PHF3: variants seen among roughly 807,000 people sequenced by gnomAD.
PHF3 encodes the protein PHD finger protein 3.
PHF3 carries 41 observed loss-of-function variants against 178.4 expected under a neutral mutation model. The observed-to-expected ratio is 0.23, with a 90% CI of 0.18 to 0.30. The LOEUF (loss-of-function observed/expected upper bound fraction) is 0.30, where lower values mean the gene tolerates loss of function less well. PHF3 is among the 10% of genes least tolerant of loss of function. The pLI, the probability that PHF3 is intolerant of heterozygous loss-of-function variation, is 1.00. For missense variants in PHF3, 2,346 were observed against 2,398.1 expected (o/e 0.98, Z 0.45); for synonymous variants, 842 against 800.5 (o/e 1.05, Z -0.88).
At chr6:63,709,995 G>C (rs1021186618) in intron 14 of PHF3, among the ~76,000 whole-genome samples, 4 of 152,000 alleles carry the variant, frequency 2.6e-5, no homozygotes, top group African/African-American at 9.7e-5. Flanking sequence ...TCCCTCCACG[G>C]GATGTGATAG....
In PHF3 at chr6:63,720,359, G is replaced by C. The variant is rs1768325067; in HGVS notation, c.*6651G>C. 4.5e-6 allele frequency: 2 copies of C among 440,796 alleles called. No homozygotes were observed. The highest frequency in any genetic ancestry group is 8.0e-6 in the Non-Finnish European group (2 of 250,920). The allele number at this position is 440,796 out of a possible 1,614,324, so 27.3% of individuals were successfully genotyped here. A position where few individuals can be genotyped will look rare whatever the true frequency, so the allele number is the denominator to read the frequency against. ...GTGAATAAGCACATTCTGTGAATAA[G>C]CACTGAACTAATGGAGTTAAAACAT... On this transcript the variant is annotated 3_prime_UTR_variant, in exon 16 of 16. Transcript: ENST00000262043.
rs545944565 is a variant in PHF3, at chr6:63,643,812, T to TA, written c.-25-2707dup. ...CATTTTATTTACAATATGCTTTATTTAAAAAAAATCGATCTTCAAGAAATA... is the reference window on the plus strand; with the variant it reads ...CATTTTATTTACAATATGCTTTATTTAAAAAAAAATCGATCTTCAAGAAATA... On this transcript the variant is annotated intron_variant, in intron 1 of 15. Transcript: ENST00000262043. Among the ~76,000 whole-genome samples the TA allele has an allele frequency of 1.8e-4, 28 of 152,162 alleles. 1 individual carries two copies. In the East Asian group the frequency reaches 5.2e-3, roughly 28 times the overall value.
rs1768045232 is a variant in PHF3 at position 63,713,234 on chromosome 6, G to T, written c.5646G>T (p.Gln1882His). Residue 1882 changes from glutamine (Q) to histidine (H), a missense_variant, in exon 16 of 16, where the codon CAG (glutamine) becomes CAT (histidine). By Grantham distance (24) the Gln-to-His change is conservative (BLOSUM62 0). This residue lies in a region of PHF3 where 839 missense variants were observed against 806.9 expected (regional missense o/e 1.04). Transcript: ENST00000262043. ...LSQASRYIGP[Q>H]NFYQVKDIRR... ...AAGCATCAAGGTATATAGGCCCGCA[G>T]AATTTTTACCAGGTTAAAGACATTC... is the stretch of plus-strand genomic sequence containing the variant. The T allele has an allele frequency of 6.2e-7, 1 of 1,614,062 alleles. No individual in the cohort carries two copies. The highest frequency in any genetic ancestry group is 8.5e-7 in the Non-Finnish European group (1 of 1,179,986).
chr6:63,688,068 C>T (rs1271299593), intron 4 of PHF3, among the ~76,000 whole-genome samples: 2 of 150,888 alleles, frequency 1.3e-5, no homozygotes, highest in Non-Finnish European at 3.0e-5. Flanking sequence ...CCTGTAGTCC[C>T]AGCTACTTGG....
At chr6:63,670,950 C>T (rs1237298479) in intron 2 of PHF3, among the ~76,000 whole-genome samples, 5 of 152,118 alleles carry the variant, frequency 3.3e-5, no homozygotes, top group African/African-American at 1.2e-4. Flanking sequence ...TCTCTAAGAA[C>T]TCTTTTGGTG....
At position 63,725,962 on chromosome 6, in the gene PHF3, G is replaced by A. The variant is rs555363688; in HGVS notation, c.*12254G>A. ...GAATTTTGGAGAAATGAATGAAAAT[G>A]GATATCAAGGGTAAAGTAAAACCTA... On this transcript the variant is annotated 3_prime_UTR_variant, in exon 16 of 16. Transcript: ENST00000262043. Among the ~76,000 whole-genome samples, 48 of 152,118 alleles carry A rather than the reference G, an allele frequency of 3.2e-4. No individual in the cohort carries two copies. Among genetic ancestry groups the A allele is most frequent in the African/African-American group, 1.1e-3 (44 of 41,538 alleles).
intron 9 of PHF3, among the ~76,000 whole-genome samples, chr6:63,702,110 A>C (rs1251187099): frequency 6.6e-6 from 1 of 152,182 alleles, no homozygotes; most frequent in Admixed American, 6.5e-5. Context: ...ATTGTGGGGG[A>C]TGTTAGAACA....
rs1372673199 is a variant in PHF3, at chr6:63,636,115, T to C, written c.-61T>C. On this transcript the variant is annotated 5_prime_UTR_variant, in exon 1 of 16. Transcript: ENST00000262043. ...GGCGGCAGCGTCCACCATCTTCCTC[T>C]TGCTGCCAGTGGTAGCGCTCGTCTG... 1 of 389,402 alleles carries C rather than the reference T, an allele frequency of 2.6e-6. No homozygotes were observed. The highest frequency in any genetic ancestry group is 4.5e-6 in the Non-Finnish European group (1 of 220,748). The allele number at this position is 389,402 out of a possible 1,614,324, so 24.1% of individuals were successfully genotyped here. A position where few individuals can be genotyped will look rare whatever the true frequency, so the allele number is the denominator to read the frequency against.
chr6:63,698,367 G>A lies in PHF3; in HGVS notation c.2825G>A (p.Arg942Lys). ...TCTCTCAAAGACATTCTTATGAAGAGGTAACATATATTTTTATTATAGAAG... is the reference window on the plus strand; with the variant it reads ...TCTCTCAAAGACATTCTTATGAAGAAGTAACATATATTTTTATTATAGAAG... ...RHSLKDILMKRLTDSNLKVPE... is the reference protein window; with the variant it reads ...RHSLKDILMKKLTDSNLKVPE... The change falls in exon 7 of 16, where the codon AGA becomes AAA. Residue 942 changes from arginine to lysine, a missense_variant and splice_region_variant. Physicochemically the swap from Arg to Lys is conservative, Grantham distance 26 (BLOSUM62 2). Around this residue, in one of 8 missense-constraint regions of PHF3, gnomAD observed 252 missense variants for 232.0 expected, o/e 1.09. Transcript: ENST00000262043. The A allele has an allele frequency of 6.2e-7, 1 of 1,602,336 alleles. No individual in the cohort carries two copies. The highest frequency in any genetic ancestry group is 8.5e-7 in the Non-Finnish European group (1 of 1,173,800).
intron 2 of PHF3, among the ~76,000 whole-genome samples, chr6:63,658,472 T>C (rs769367889): frequency 3.9e-5 from 6 of 152,130 alleles, no homozygotes; most frequent in Non-Finnish European, 7.3e-5. Flanking sequence ...AGTGACTCTT[T>C]TAATTAAGTC....
rs1462147723 is a variant in PHF3 at position 63,718,895 on chromosome 6, G to C, written c.*5187G>C. On this transcript the variant is annotated 3_prime_UTR_variant, in exon 16 of 16. Transcript: ENST00000262043. ...TAGATTTGATTACCAGCTGCCAAAA[G>C]GAATTTCTTCAGAGCATTTATCCTT... Among the ~76,000 whole-genome samples the C allele has an allele frequency of 3.3e-5, 5 of 152,070 alleles. No homozygotes were observed. The highest frequency in any genetic ancestry group is 3.3e-4 in the Admixed American group (5 of 15,224).
rs1582136758 is a variant in PHF3, at chr6:63,717,388, C to T, written c.*3680C>T. ...GATCCCTGTAACACTGGTCAGGCTACAACTTACTAATGACTACAAAGAACT... is the reference window on the plus strand; with the variant it reads ...GATCCCTGTAACACTGGTCAGGCTATAACTTACTAATGACTACAAAGAACT... On this transcript the variant is annotated 3_prime_UTR_variant, in exon 16 of 16. Coordinates refer to ENST00000262043, the MANE Select transcript of PHF3 (RefSeq NM_001370348.2). 1.3e-5 allele frequency among the ~76,000 whole-genome samples: 2 copies of T among 152,210 alleles called. No homozygotes were observed. Among genetic ancestry groups the T allele is most frequent in the East Asian group, 3.9e-4 (2 of 5,186 alleles).
chr6:63,677,915 G>A (rs570662094), intron 2 of PHF3, among the ~76,000 whole-genome samples: 52 of 152,202 alleles, frequency 3.4e-4, no homozygotes, highest in African/African-American at 1.3e-3. Context: ...TAGTAGACCT[G>A]TAATCTAATG....
At chr6:63,656,830 T>C (rs191140386) in intron 2 of PHF3, among the ~76,000 whole-genome samples, 88 of 152,356 alleles carry the variant, frequency 5.8e-4, no homozygotes, top group Non-Finnish European at 8.1e-4. Context: ...TTTTAACTCA[T>C]TGTTTCTTAG....
chr6:63,695,339 T>C (rs1033646014), intron 6 of PHF3, among the ~76,000 whole-genome samples: 1 of 152,180 alleles, frequency 6.6e-6, no homozygotes, highest in African/African-American at 2.4e-5. Flanking sequence ...AGAAAATTAT[T>C]GCTCGTACCC....
intron 2 of PHF3, among the ~76,000 whole-genome samples, chr6:63,662,138 A>G (rs115437881): frequency 0.012 from 1,812 of 152,168 alleles, 31 homozygotes; most frequent in African/African-American, 0.042. Context: ...TCTGAGGTGG[A>G]ACAATTTTAT....
chr6:63,697,870 A>G (rs1159962956), intron 6 of PHF3, among the ~76,000 whole-genome samples: 3 of 152,228 alleles, frequency 2.0e-5, no homozygotes, highest in Non-Finnish European at 2.9e-5. Flanking sequence ...CTTAACATTC[A>G]AATTAGTAAA....
intron 2 of PHF3, among the ~76,000 whole-genome samples, chr6:63,660,427 AT>A (rs981088440): frequency 6.6e-6 from 1 of 151,838 alleles, no homozygotes; most frequent in African/African-American, 2.4e-5. Flanking sequence ...AACTTGGATA[AT>A]TTTTTTGTAC....
intron 2 of PHF3, among the ~76,000 whole-genome samples, chr6:63,653,672 C>T (rs976267733): frequency 1.3e-5 from 2 of 152,032 alleles, no homozygotes; most frequent in Non-Finnish European, 2.9e-5. Flanking sequence ...CTAGGACTGC[C>T]AGTACTGTGT....
Sources: gnomAD v4.1 joint callset for allele counts (sites outside exome capture counted in the v4.1 genomes callset) on GRCh38, gnomAD v4.1.1 for gene constraint, gnomAD v4.1.1 regional missense constraint, MANE v1.5 for transcripts, NCBI Gene and HGNC (gene_info 2026-07-23, HGNC 2026-07-21) for gene names.